Variants in KCNC2 observed in about 807,000 individuals in gnomAD.
KCNC2 encodes the protein potassium voltage-gated channel subfamily C member 2, also known as voltage-gated potassium channel KCNC2.
In KCNC2, 21 loss-of-function variants were observed where a neutral mutation model predicts 44.5. The observed-to-expected ratio is 0.47, with a 90% CI of 0.33 to 0.68. The LOEUF is 0.68. Among genes scored for constraint, KCNC2 ranks in the 30% least tolerant of loss-of-function variants. KCNC2 has a pLI of 0.01. For missense variants in KCNC2, 589 were observed against 826.2 expected (o/e 0.71, Z 3.52); for synonymous variants, 391 against 339.1 (o/e 1.15, Z -1.68).
intron 2 of KCNC2, among the ~76,000 whole-genome samples, chr12:75,188,324 A>G (rs1027163044): frequency 1.3e-5 from 2 of 152,232 alleles, no homozygotes; most frequent in African/African-American, 2.4e-5. Context: ...AAAGACTGCA[A>G]TGTAAAACCA....
intron 2 of KCNC2, among the ~76,000 whole-genome samples, chr12:75,166,152 G>C (rs1295186934): frequency 6.6e-6 from 1 of 150,680 alleles, no homozygotes; most frequent in Non-Finnish European, 1.5e-5. Context: ...GGCAAAAATT[G>C]GTATGAGAGA....
chr12:75,116,217 G>A (rs936429524), intron 2 of KCNC2, among the ~76,000 whole-genome samples: 8 of 152,110 alleles, frequency 5.3e-5, no homozygotes. Flanking sequence ...TTCCAAAGAC[G>A]GTTGCAGGAC....
intron 2 of KCNC2, among the ~76,000 whole-genome samples, chr12:75,098,585 C>T (rs1886123681): frequency 6.6e-6 from 1 of 151,880 alleles, no homozygotes; most frequent in South Asian, 2.1e-4. Flanking sequence ...ATGGTGAAAC[C>T]CCATTTCTAC....
At chr12:75,165,996 T>A (rs1178937105) in intron 2 of KCNC2, among the ~76,000 whole-genome samples, 1 of 151,232 alleles carries the variant, frequency 6.6e-6, no homozygotes, top group East Asian at 1.9e-4. Flanking sequence ...AAGAATGACA[T>A]AATTCAACTA....
intron 2 of KCNC2, among the ~76,000 whole-genome samples, chr12:75,076,501 T>C (rs1338952615): frequency 3.3e-5 from 5 of 152,114 alleles, no homozygotes; most frequent in Non-Finnish European, 7.4e-5. Flanking sequence ...CTCGATTTCC[T>C]GACCTCGTGA....
rs539026631 is a variant in KCNC2 at position 75,190,267 on chromosome 12, C to T, written c.687+17030G>A. On this transcript the variant is annotated intron_variant, in intron 2 of 4. Transcript: ENST00000549446. ...CTCCCAGTAGCCCTCTACCTCTGGT[C>T]ATGCCTATCTTCTTTCAGTTCCTTT... is the stretch of plus-strand genomic sequence containing the variant. 3.9e-5 allele frequency among the ~76,000 whole-genome samples: 6 copies of T among 152,322 alleles called. No homozygotes were observed. In the South Asian group the frequency reaches 1.0e-3, roughly 26 times the overall value.
At chr12:75,043,338 C>G in intron 4 of KCNC2, 97 bp from the exon 5 acceptor site, 1 of 1,480,158 alleles carries the variant, frequency 6.8e-7, no homozygotes, top group East Asian at 2.4e-5. Context: ...TACTTTCAAG[C>G]TCAAAGAAGA....
chr12:75,088,339 A>G (rs1293410131), intron 2 of KCNC2, among the ~76,000 whole-genome samples: 5 of 152,228 alleles, frequency 3.3e-5, no homozygotes, highest in East Asian at 1.9e-4. Context: ...GCATGTAAGT[A>G]TTTAACTTGT....
intron 2 of KCNC2, among the ~76,000 whole-genome samples, chr12:75,069,879 G>C (rs1442009172): frequency 6.6e-6 from 1 of 152,076 alleles, no homozygotes; most frequent in Non-Finnish European, 1.5e-5. Context: ...GTCTCAGAGG[G>C]TCAACTTACT....
intron 2 of KCNC2, among the ~76,000 whole-genome samples, chr12:75,107,383 G>T (rs1886875202): frequency 6.6e-6 from 1 of 151,974 alleles, no homozygotes; most frequent in South Asian, 2.1e-4. Context: ...AGGCATAATT[G>T]CTAATTATAA....
intron 2 of KCNC2, among the ~76,000 whole-genome samples, chr12:75,142,958 A>G (rs1051954993): frequency 6.6e-6 from 1 of 152,126 alleles, no homozygotes; most frequent in Non-Finnish European, 1.5e-5. Flanking sequence ...CACTCCTTTT[A>G]CTTTAAAAGT....
At chr12:75,194,713 G>C (rs1204352734) in intron 2 of KCNC2, among the ~76,000 whole-genome samples, 1 of 152,190 alleles carries the variant, frequency 6.6e-6, no homozygotes, top group Non-Finnish European at 1.5e-5. Context: ...ACTGTGGTTT[G>C]AACATGACTA....
intron 2 of KCNC2, among the ~76,000 whole-genome samples, chr12:75,131,756 GT>G (rs1033263697): frequency 9.9e-5 from 15 of 152,146 alleles, no homozygotes; most frequent in African/African-American, 3.6e-4. Context: ...AGGGACCTCA[GT>G]TCTACAGGCA....
chr12:75,182,425 A>G (rs2137653259), intron 2 of KCNC2, among the ~76,000 whole-genome samples: 1 of 148,234 alleles, frequency 6.7e-6, no homozygotes, highest in South Asian at 2.2e-4. Context: ...TGGGAGGCTG[A>G]GGCAGGAGAA....
At chr12:75,102,837 T>G (rs977978329) in intron 2 of KCNC2, among the ~76,000 whole-genome samples, 1 of 151,972 alleles carries the variant, frequency 6.6e-6, no homozygotes, top group Admixed American at 6.6e-5. Flanking sequence ...TTATTAATAA[T>G]AGAGCTTTTA....
chr12:75,126,474 A>T (rs1272231928), intron 2 of KCNC2, among the ~76,000 whole-genome samples: 1 of 152,166 alleles, frequency 6.6e-6, no homozygotes, highest in African/African-American at 2.4e-5. Flanking sequence ...TGTAACAGAA[A>T]ACTTAAAAAC....
At chr12:75,069,920 C>T (rs759573089) in intron 2 of KCNC2, among the ~76,000 whole-genome samples, 30 of 152,178 alleles carry the variant, frequency 2.0e-4, no homozygotes, top group Non-Finnish European at 1.5e-4. Context: ...CTAGCTCCAT[C>T]TGTACATCAT....
intron 2 of KCNC2, among the ~76,000 whole-genome samples, chr12:75,138,002 A>C (rs1592947926): frequency 6.6e-6 from 1 of 152,236 alleles, no homozygotes; most frequent in East Asian, 1.9e-4. Context: ...ATGGGAATAT[A>C]GTGGCTGCTT....
chr12:75,147,208 G>A (rs1046421208), intron 2 of KCNC2, among the ~76,000 whole-genome samples: 1 of 152,014 alleles, frequency 6.6e-6, no homozygotes, highest in Non-Finnish European at 1.5e-5. Flanking sequence ...GACACCTAGA[G>A]ATAAACAAAA....
Sources: gnomAD v4.1 joint callset for allele counts (sites outside exome capture counted in the v4.1 genomes callset) on GRCh38, gnomAD v4.1.1 for gene constraint, MANE v1.5 for transcripts, NCBI Gene and HGNC (gene_info 2026-07-23, HGNC 2026-07-21) for gene names.